RASA1: variants seen among roughly 807,000 people sequenced by gnomAD.
The protein encoded by RASA1 is RAS p21 protein activator 1, also known as ras GTPase-activating protein 1.
In RASA1, 25 loss-of-function variants were observed where a neutral mutation model predicts 132.2. That is an observed-to-expected ratio of 0.19 (90% confidence interval 0.14 to 0.26). RASA1 has a LOEUF of 0.26. Ranked by LOEUF, RASA1 falls within the 10% of genes least tolerant of loss-of-function variation. The pLI is 1.00. For missense variants in RASA1, 964 were observed against 1,299.2 expected (o/e 0.74, Z 3.97); for synonymous variants, 477 against 449.9 (o/e 1.06, Z -0.76).
At chr5:87,307,642 C>T (rs958438059) in intron 1 of RASA1, among the ~76,000 whole-genome samples, 2 of 152,126 alleles carry the variant, frequency 1.3e-5, no homozygotes, top group African/African-American at 4.8e-5. Flanking sequence ...AGCCTTCTGT[C>T]TGTAATTTTA....
At chr5:87,353,684 T>C (rs949500675) in intron 9 of RASA1, among the ~76,000 whole-genome samples, 3 of 148,592 alleles carry the variant, frequency 2.0e-5, no homozygotes, top group Admixed American at 2.0e-4. Context: ...CTGTATACTC[T>C]GAGTGAAAAC....
chr5:87,284,761 A>T (rs202130349), intron 1 of RASA1, among the ~76,000 whole-genome samples: 14 of 152,174 alleles, frequency 9.2e-5, no homozygotes, highest in African/African-American at 3.4e-4. Context: ...GAATTTGGAA[A>T]AAAAGAACAC....
Position 87,268,392 on chromosome 5 carries a change from C to T in RASA1, c.-60C>T. 5 of 1,465,514 alleles carry T rather than the reference C, an allele frequency of 3.4e-6. No individual in the cohort carries two copies. The highest frequency in any genetic ancestry group is 4.5e-6 in the Non-Finnish European group (5 of 1,106,946). The allele number at this position is 1,465,514 out of a possible 1,614,324, so 90.8% of individuals were successfully genotyped here. On this transcript the variant is annotated 5_prime_UTR_variant, in exon 1 of 25. Transcript: ENST00000274376. The stretch of plus-strand genomic sequence containing the variant: ...TGGGTGGGGCTGCTCGGAGCCCGGG[C>T]CTGGTGGCCCCTGGGGCTCCCGGGC...
At chr5:87,317,421 C>A (rs1029651393) in intron 1 of RASA1, among the ~76,000 whole-genome samples, 2 of 151,922 alleles carry the variant, frequency 1.3e-5, no homozygotes, top group African/African-American at 4.8e-5. Context: ...TTATTTGTGA[C>A]CTTAAGGAAT....
At chr5:87,323,597 CAT>C (rs1756989428) in intron 1 of RASA1, among the ~76,000 whole-genome samples, 1 of 152,142 alleles carries the variant, frequency 6.6e-6, no homozygotes, top group Non-Finnish European at 1.5e-5. Flanking sequence ...AGTAAGGTAA[CAT>C]GTCTGCATAT....
In RASA1 at chr5:87,322,003, A is replaced by C. The variant is rs145624541; in HGVS notation, c.540-9345A>C. 2.7e-3 allele frequency among the ~76,000 whole-genome samples: 405 copies of C among 152,296 alleles called. 5 individuals carry two copies. Among genetic ancestry groups the C allele is most frequent in the East Asian group, 8.1e-3 (42 of 5,176 alleles). The stretch of plus-strand genomic sequence containing the variant: ...TAAAAGACTATAACAAGGGTGATAT[A>C]GCTTGAATGTGTGTCCCCTCCAAAT... On this transcript the variant is annotated intron_variant, in intron 1 of 24. Coordinates refer to ENST00000274376, the MANE Select transcript of RASA1 (RefSeq NM_002890.3).
chr5:87,361,690 TA>T (rs1760105583), intron 9 of RASA1, among the ~76,000 whole-genome samples: 1 of 152,278 alleles, frequency 6.6e-6, no homozygotes, highest in South Asian at 2.1e-4. Context: ...TAATGTAACA[TA>T]TGCATTCCTA....
At position 87,379,725 on chromosome 5, in the gene RASA1, C is replaced by T. The variant is rs1231263222; in HGVS notation, c.2488-10C>T. On this transcript the variant is annotated splice_polypyrimidine_tract_variant and intron_variant, in intron 18 of 24. Transcript: ENST00000274376. ...AACATGCATTTATATTGATTTATTC[C>T]TTCTTTTAGTTAAGTCCATCAAAGT... 6.2e-7 allele frequency: 1 copy of T among 1,610,750 alleles called. No individual in the cohort carries two copies. Among genetic ancestry groups the T allele is most frequent in the Non-Finnish European group, 8.5e-7 (1 of 1,178,336 alleles).
chr5:87,349,719 G>GA (rs3838242), intron 8 of RASA1, among the ~76,000 whole-genome samples: 1 of 150,812 alleles, frequency 6.6e-6, no homozygotes, highest in Non-Finnish European at 1.5e-5. Flanking sequence ...ACTTTAGTAG[G>GA]AAAAAAAAAG....
At chr5:87,389,249 T>TG in intron 23 of RASA1, 144 bp from the exon 24 acceptor site, 1 of 1,003,240 alleles carries the variant, frequency 1.0e-6, no homozygotes, top group Non-Finnish European at 1.5e-6. Flanking sequence ...GAGAATCGCT[T>TG]GAACCCGGGA....
chr5:87,311,880 C>G (rs1755944728), intron 1 of RASA1, among the ~76,000 whole-genome samples: 1 of 152,190 alleles, frequency 6.6e-6, no homozygotes, highest in Non-Finnish European at 1.5e-5. Flanking sequence ...CAAAGGCACT[C>G]TTATTAAGCA....
At chr5:87,331,186 A>T in intron 1 of RASA1, 162 bp from the exon 2 acceptor site, 1 of 958,948 alleles carries the variant, frequency 1.0e-6, no homozygotes, top group Non-Finnish European at 1.6e-6. Flanking sequence ...TTTGAGACTG[A>T]GGTTAAATTG....
At position 87,316,501 on chromosome 5, in the gene RASA1, C is replaced by G. The variant is rs567620103; in HGVS notation, c.540-14847C>G. On this transcript the variant is annotated intron_variant, in intron 1 of 24. Transcript: ENST00000274376. The stretch of plus-strand genomic sequence containing the variant: ...TCTCATCCTTAAATTTTCTACCTCT[C>G]TCCCTCAAATTTCATGGCATTTTAT... Among the ~76,000 whole-genome samples the G allele has an allele frequency of 2.0e-5, 3 of 152,332 alleles. No homozygotes were observed. In the East Asian group the frequency reaches 5.8e-4, roughly 29 times the overall value.
intron 16 of RASA1, 91 bp from the exon 17 acceptor site, chr5:87,376,789 AG>A: frequency 7.4e-7 from 1 of 1,353,732 alleles, no homozygotes; most frequent in South Asian, 1.3e-5. Context: ...TTTAAATATA[AG>A]AACTTGTGAA....
intron 6 of RASA1, among the ~76,000 whole-genome samples, chr5:87,344,448 T>G (rs1050020095): frequency 2.0e-5 from 3 of 152,202 alleles, no homozygotes; most frequent in African/African-American, 7.2e-5. Flanking sequence ...CGTTTACTAC[T>G]CCTAGCACTT....
intron 18 of RASA1, 115 bp from the exon 19 acceptor site, chr5:87,379,620 A>G: frequency 1.4e-6 from 2 of 1,397,382 alleles, no homozygotes; most frequent in Non-Finnish European, 1.9e-6. Flanking sequence ...AGATCAATAC[A>G]CACAGAGATA....
intron 1 of RASA1, among the ~76,000 whole-genome samples, chr5:87,321,487 C>T (rs1236922505): frequency 6.6e-6 from 1 of 152,144 alleles, no homozygotes; most frequent in East Asian, 1.9e-4. Context: ...CAGATGGCTT[C>T]GAGTTGGGGT....
intron 1 of RASA1, among the ~76,000 whole-genome samples, chr5:87,329,473 C>T (rs1447734690): frequency 1.3e-5 from 2 of 151,832 alleles, no homozygotes; most frequent in South Asian, 4.2e-4. Flanking sequence ...CAACTAAAAA[C>T]CACAAATAAA....
intron 6 of RASA1, among the ~76,000 whole-genome samples, chr5:87,345,531 G>A (rs896467518): frequency 2.0e-5 from 3 of 152,072 alleles, no homozygotes; most frequent in Non-Finnish European, 4.4e-5. Context: ...AACTGTTTTA[G>A]TTGTTGTATT....
Sources: allele counts gnomAD v4.1 joint callset (sites outside exome capture counted in the v4.1 genomes callset), GRCh38; gene constraint gnomAD v4.1.1; transcripts MANE v1.5; gene names NCBI Gene and HGNC (gene_info 2026-07-23, HGNC 2026-07-21).